IP6K1: variants seen among roughly 807,000 people sequenced by gnomAD.
The protein encoded by IP6K1 is ATP:1D-myo-inositol-hexakisphosphate phosphotransferase.
Under a neutral mutation model 38.3 loss-of-function variants are expected in IP6K1, and 13 were observed. That is an observed-to-expected ratio of 0.34 (90% CI 0.22 to 0.54). IP6K1 has a LOEUF of 0.54. Ranked by LOEUF, IP6K1 falls within the 20% of genes least tolerant of loss-of-function variation. IP6K1 has a pLI of 0.92. For missense variants in IP6K1, 397 were observed against 599.8 expected, an observed-to-expected ratio of 0.66 and a Z score of 3.53; for synonymous variants, 212 against 229.9, an observed-to-expected ratio of 0.92 and a Z score of 0.70.
intron 2 of IP6K1, among the ~76,000 whole-genome samples, chr3:49,746,782 G>T (rs1325348945): frequency 1.3e-5 from 2 of 151,892 alleles, no homozygotes; most frequent in East Asian, 1.9e-4. Context: ...TAAGCTAAAT[G>T]AACCAAGCCA....
At chr3:49,766,527 G>A (rs1041072031) in intron 1 of IP6K1, among the ~76,000 whole-genome samples, 1 of 151,778 alleles carries the variant, frequency 6.6e-6, no homozygotes, top group African/African-American at 2.4e-5. Context: ...AGTTGGGTGT[G>A]GTGGTGGGCA....
chr3:49,730,661 C>A (rs2080554092), intron 4 of IP6K1, among the ~76,000 whole-genome samples: 1 of 152,188 alleles, frequency 6.6e-6, no homozygotes, highest in African/African-American at 2.4e-5. Flanking sequence ...ATCCTCCTGC[C>A]TTAGCCTCCC....
intron 1 of IP6K1, chr3:49,785,697 A>G (rs1352029246): frequency 6.6e-6 from 1 of 152,244 alleles, no homozygotes; most frequent in East Asian, 1.9e-4. Flanking sequence ...AGAGGAAGAC[A>G]TTACCACTCT....
chr3:49,775,965 G>T (rs1156890748), intron 1 of IP6K1, among the ~76,000 whole-genome samples: 1 of 151,318 alleles, frequency 6.6e-6, no homozygotes, highest in Non-Finnish European at 1.5e-5. Flanking sequence ...GGAGTTGACT[G>T]TGAAGCTACA....
At chr3:49,780,320 A>ACACACACACACACACACACACG (rs1179080027) in intron 1 of IP6K1, among the ~76,000 whole-genome samples, 2 of 151,348 alleles carry the variant, frequency 1.3e-5, no homozygotes, top group Non-Finnish European at 3.0e-5. Flanking sequence ...ACACACACAC[A>ACACACACACACACACACACACG]CACACACACA....
chr3:49,771,188 C>CAAAA (rs35601566), intron 1 of IP6K1, among the ~76,000 whole-genome samples: 16 of 72,474 alleles, frequency 2.2e-4, no homozygotes, highest in Admixed American at 3.5e-4. Context: ...AACTCAGTAA[C>CAAAA]AAAAAAAAAA....
intron 3 of IP6K1, among the ~76,000 whole-genome samples, chr3:49,737,890 C>G (rs1575307174): frequency 6.6e-6 from 1 of 152,168 alleles, no homozygotes; most frequent in African/African-American, 2.4e-5. Context: ...TCGCTACGAA[C>G]TAATGTATTT....
chr3:49,769,798 A>G (rs933422856), intron 1 of IP6K1, among the ~76,000 whole-genome samples: 11 of 152,228 alleles, frequency 7.2e-5, no homozygotes, highest in Admixed American at 7.2e-4. Context: ...AGCCCTGTGT[A>G]TAACTTGTTA....
At chr3:49,763,551 A>G (rs2080884580) in intron 1 of IP6K1, among the ~76,000 whole-genome samples, 1 of 152,226 alleles carries the variant, frequency 6.6e-6, no homozygotes, top group Non-Finnish European at 1.5e-5. Context: ...ATATATAGAA[A>G]GAATCCCTCA....
chr3:49,765,935 G>C (rs888840093), intron 1 of IP6K1, among the ~76,000 whole-genome samples: 1 of 151,828 alleles, frequency 6.6e-6, no homozygotes, highest in African/African-American at 2.4e-5. Flanking sequence ...CCAATACTTT[G>C]TGAGGCCGAA....
At chr3:49,771,673 C>G (rs2080961243) in intron 1 of IP6K1, among the ~76,000 whole-genome samples, 1 of 152,162 alleles carries the variant, frequency 6.6e-6, no homozygotes, top group Admixed American at 6.6e-5. Flanking sequence ...ATACATCTAT[C>G]CTATGACCCA....
At chr3:49,729,893 T>G (rs1300868354) in intron 4 of IP6K1, among the ~76,000 whole-genome samples, 4 of 151,844 alleles carry the variant, frequency 2.6e-5, no homozygotes, top group African/African-American at 9.7e-5. Flanking sequence ...AATTTTTCTT[T>G]TAATTATTAT....
chr3:49,736,422 C>T (rs1414871097), intron 3 of IP6K1, among the ~76,000 whole-genome samples: 2 of 152,140 alleles, frequency 1.3e-5, no homozygotes, highest in Non-Finnish European at 2.9e-5. Flanking sequence ...TACCTTTTCT[C>T]TCTATAGATT....
At chr3:49,749,057 G>A (rs1368351404) in intron 1 of IP6K1, 1 of 152,178 alleles carries the variant, frequency 6.6e-6, no homozygotes, top group Non-Finnish European at 1.5e-5. Flanking sequence ...GCCACCGCTG[G>A]TCTGACAGGA....
Position 49,727,071 on chromosome 3 carries a change from G to A in IP6K1, c.*51C>T. ...GTCCTCACGGCAAGTTCAGAACAAT[G>A]GTCCCTGCCTGCAGTGGAGAGGAAG... On this transcript the variant is annotated 3_prime_UTR_variant, in exon 6 of 6. Coordinates refer to ENST00000321599, the MANE Select transcript of IP6K1 (RefSeq NM_153273.4). This position sits in a 1 kb window ranked among gnomAD's most constrained non-coding sequence, Gnocchi z 5.9. The A allele has an allele frequency of 6.7e-7, 1 of 1,499,298 alleles. No individual in the cohort carries two copies. Among genetic ancestry groups the A allele is most frequent in the Non-Finnish European group, 9.0e-7 (1 of 1,112,170 alleles). The allele number at this position is 1,499,298 out of a possible 1,614,324, so 92.9% of individuals were successfully genotyped here.
Position 49,782,944 on chromosome 3 carries a change from T to G in IP6K1, c.-129+3410A>C, listed in dbSNP as rs1417585209. ...GGCCAACATGGCAAAACCCCGGCTCTACTAAAAAAAAAAAAAAAAAAAAAA... is the reference window on the plus strand; with the variant it reads ...GGCCAACATGGCAAAACCCCGGCTCGACTAAAAAAAAAAAAAAAAAAAAAA... On this transcript the variant is annotated intron_variant, in intron 1 of 5. Transcript: ENST00000321599. Among the ~76,000 whole-genome samples the G allele has an allele frequency of 4.8e-5, 6 of 124,978 alleles. No homozygotes were observed. The South Asian group carries it at 7.5e-4, about 16-fold the overall frequency. 82.0% of individuals were successfully genotyped at this position (124,978 alleles called of 152,430 possible).
At chr3:49,745,803 G>A (rs111602813) in intron 2 of IP6K1, among the ~76,000 whole-genome samples, 21 of 149,010 alleles carry the variant, frequency 1.4e-4, no homozygotes, top group Admixed American at 1.3e-3. Flanking sequence ...GCAGTGAGCC[G>A]AGATCGTGCC....
intron 1 of IP6K1, among the ~76,000 whole-genome samples, chr3:49,773,888 A>G (rs1267938180): frequency 2.0e-5 from 3 of 151,718 alleles, no homozygotes; most frequent in African/African-American, 4.8e-5. Context: ...CTAGCTAGGC[A>G]TGGTGGTATA....
In IP6K1 at chr3:49,760,481, G is replaced by A. The variant is rs187695381; in HGVS notation, c.-128-12313C>T. On this transcript the variant is annotated intron_variant, in intron 1 of 5. Coordinates refer to ENST00000321599, the MANE Select transcript of IP6K1 (RefSeq NM_153273.4). ...TTTACTAAAAATACAAAAATTAGTCGGGCATGGTGGCAGGCACCTGTAATC... is the reference window on the plus strand; with the variant it reads ...TTTACTAAAAATACAAAAATTAGTCAGGCATGGTGGCAGGCACCTGTAATC... Among the ~76,000 whole-genome samples the A allele has an allele frequency of 1.1e-3, 160 of 152,054 alleles. 1 individual carries two copies. Among genetic ancestry groups the A allele is most frequent in the African/African-American group, 3.7e-3 (152 of 41,494 alleles).
Sources: allele counts gnomAD v4.1 joint callset (sites outside exome capture counted in the v4.1 genomes callset), GRCh38; gene constraint gnomAD v4.1.1; non-coding constraint Gnocchi (gnomAD v3.1); transcripts MANE v1.5; gene names NCBI Gene and HGNC (gene_info 2026-07-23, HGNC 2026-07-21).